Variants in ATP10B observed in about 807,000 individuals in gnomAD.
ATP10B encodes phospholipid-transporting ATPase VB.
In ATP10B, 122 loss-of-function variants were observed where a neutral mutation model predicts 141.2. The observed-to-expected ratio is 0.86, with a 90% CI of 0.75 to 1.00. The LOEUF (loss-of-function observed/expected upper bound fraction) is 1.00. Ranked by LOEUF, ATP10B falls within the 50% of genes least tolerant of loss-of-function variation. ATP10B has a pLI of 0.00. For synonymous variants in ATP10B, 685 were observed against 692.0 expected (o/e 0.99, Z 0.16); for missense variants, 1,876 against 1,825.3 (o/e 1.03, Z -0.51).
chr5:160,810,439 G>A (rs1354414163), intron 1 of ATP10B, among the ~76,000 whole-genome samples: 1 of 151,840 alleles, frequency 6.6e-6, no homozygotes, highest in Non-Finnish European at 1.5e-5. Flanking sequence ...TAAATTGGTT[G>A]GTATGATACC....
At chr5:160,751,226 C>T (rs879477039) in intron 2 of ATP10B, among the ~76,000 whole-genome samples, 2 of 152,172 alleles carry the variant, frequency 1.3e-5, no homozygotes, top group African/African-American at 2.4e-5. Flanking sequence ...TGGCACTGAC[C>T]ACATCAGCCA....
chr5:160,577,460 T>G (rs1755263822), intron 24 of ATP10B, among the ~76,000 whole-genome samples: 1 of 152,192 alleles, frequency 6.6e-6, no homozygotes, highest in African/African-American at 2.4e-5. Context: ...CTGGATCATG[T>G]GCCCACCCTG....
chr5:160,639,722 G>C (rs925320664), intron 10 of ATP10B, among the ~76,000 whole-genome samples: 5 of 152,046 alleles, frequency 3.3e-5, no homozygotes, highest in African/African-American at 9.7e-5. Flanking sequence ...TCAGTGGGGA[G>C]GGGGAGATGG....
At chr5:160,621,891 C>A (rs1451930292) in intron 14 of ATP10B, among the ~76,000 whole-genome samples, 3 of 152,172 alleles carry the variant, frequency 2.0e-5, no homozygotes, top group Non-Finnish European at 2.9e-5. Context: ...TATATAAAAA[C>A]AGAGAGCAAT....
intron 24 of ATP10B, among the ~76,000 whole-genome samples, chr5:160,577,506 C>A (rs78061549): frequency 0.012 from 1,877 of 152,250 alleles, 20 homozygotes; most frequent in South Asian, 0.021. Context: ...AATTACTGCT[C>A]CTACTTAAGA....
chr5:160,719,070 T>C (rs1357485611), intron 2 of ATP10B, among the ~76,000 whole-genome samples: 1 of 152,132 alleles, frequency 6.6e-6, no homozygotes, highest in East Asian at 1.9e-4. Context: ...AAAAACTGTA[T>C]TAGGTTGGTG....
intron 1 of ATP10B, among the ~76,000 whole-genome samples, chr5:160,827,583 T>C (rs1406390150): frequency 6.6e-6 from 1 of 152,214 alleles, no homozygotes; most frequent in Non-Finnish European, 1.5e-5. Context: ...TTTTATCCCA[T>C]TCTGTAGGTT....
the ATP10B span, among the ~76,000 whole-genome samples, chr5:160,880,016 A>G: frequency 6.6e-6 from 1 of 151,848 alleles, no homozygotes; most frequent in African/African-American, 2.4e-5. Context: ...TACTCCTAAA[A>G]ATGAAATTCT....
At chr5:160,634,780 T>C (rs1759233431) in intron 11 of ATP10B, among the ~76,000 whole-genome samples, 174 bp from the exon 12 acceptor site, 3 of 152,196 alleles carry the variant, frequency 2.0e-5, no homozygotes, top group Admixed American at 1.3e-4. Flanking sequence ...CTTAGGGGAA[T>C]CTGAAAAACA....
At chr5:160,802,746 A>C (rs570678107) in intron 1 of ATP10B, among the ~76,000 whole-genome samples, 1 of 152,172 alleles carries the variant, frequency 6.6e-6, no homozygotes, top group Non-Finnish European at 1.5e-5. Flanking sequence ...GAGACTGTAC[A>C]TTAGGGGGCA....
intron 7 of ATP10B, among the ~76,000 whole-genome samples, chr5:160,658,630 G>A (rs2127709332): frequency 1.3e-5 from 2 of 152,294 alleles, no homozygotes; most frequent in South Asian, 4.2e-4. Flanking sequence ...GCCAGGCCAG[G>A]CAGTACGTTT....
At chr5:160,876,127 A>G in the ATP10B span, among the ~76,000 whole-genome samples, 1 of 61,634 alleles carries the variant, frequency 1.6e-5, no homozygotes, top group African/African-American at 3.8e-5. Context: ...TTGACCACAT[A>G]CTTGGAAGTA....
chr5:160,790,903 G>A (rs142185633), intron 1 of ATP10B, among the ~76,000 whole-genome samples: 54 of 152,266 alleles, frequency 3.5e-4, no homozygotes, highest in African/African-American at 1.3e-3. Flanking sequence ...GAAAGAGGCA[G>A]GCAGAAGCGC....
chr5:160,687,808 T>C lies in ATP10B; in HGVS notation c.267A>G (p.Gln89=). 4.3e-6 allele frequency: 7 copies of C among 1,613,520 alleles called. No individual in the cohort carries two copies. Among genetic ancestry groups the C allele is most frequent in the Non-Finnish European group, 5.9e-6 (7 of 1,179,694 alleles). The part of the protein sequence containing the change: ...FTFLPRNLFE[Q]FHRWANLYFL... ...GACAAGTGGATCTCTACCTATGAAA[T>C]TGCTCAAAGAGATTCCGGGGCAGGA... Residue 89 remains glutamine, a synonymous_variant, in exon 5 of 26, where the codon CAA becomes CAG. Coordinates refer to ENST00000327245, the MANE Select transcript of ATP10B (RefSeq NM_025153.3).
In ATP10B at chr5:160,563,583, A is replaced by T. The variant is rs1374046047; in HGVS notation, c.*1870T>A. ...AGAGGCTTTTTTACCACTGGGTTTCATGTAATTTTGACTTAATACCTATGT... is the reference window on the plus strand; with the variant it reads ...AGAGGCTTTTTTACCACTGGGTTTCTTGTAATTTTGACTTAATACCTATGT... On this transcript the variant is annotated 3_prime_UTR_variant, in exon 26 of 26. Transcript: ENST00000327245. The T allele has an allele frequency of 6.6e-6, 1 of 152,100 alleles. No individual in the cohort carries two copies. Among genetic ancestry groups the T allele is most frequent in the African/African-American group, 2.4e-5 (1 of 41,426 alleles). The allele number at this position is 152,100 out of a possible 1,614,324, so 9.4% of individuals were successfully genotyped here. A position where few individuals can be genotyped will look rare whatever the true frequency, so the allele number is the denominator to read the frequency against.
intron 24 of ATP10B, among the ~76,000 whole-genome samples, chr5:160,575,083 CTT>C (rs1199539995): frequency 1.3e-5 from 2 of 152,070 alleles, no homozygotes; most frequent in Admixed American, 6.6e-5. Flanking sequence ...TTTGATCAAA[CTT>C]TAAATCCTTT....
At chr5:160,907,756 A>G in the ATP10B span, among the ~76,000 whole-genome samples, 1 of 152,198 alleles carries the variant, frequency 6.6e-6, no homozygotes, top group African/African-American at 2.4e-5. Flanking sequence ...TGACCTCTCC[A>G]ATGTCAGCAG....
intron 7 of ATP10B, among the ~76,000 whole-genome samples, chr5:160,669,608 CTTTTTTTTTTTT>C (rs5872655): frequency 4.2e-4 from 36 of 84,960 alleles, no homozygotes; most frequent in Admixed American, 2.7e-3. Context: ...CAGTCTCTCT[CTTTTTTTTTTTT>C]TTTTTTTTTT....
At chr5:160,692,215 A>G (rs904666031) in intron 3 of ATP10B, among the ~76,000 whole-genome samples, 2 of 152,240 alleles carry the variant, frequency 1.3e-5, no homozygotes, top group African/African-American at 2.4e-5. Flanking sequence ...AGTAAAGCAG[A>G]TATAACTTGG....
Sources: allele counts gnomAD v4.1 joint callset (sites outside exome capture counted in the v4.1 genomes callset), GRCh38; gene constraint gnomAD v4.1.1; transcripts MANE v1.5; gene names NCBI Gene and HGNC (gene_info 2026-07-23, HGNC 2026-07-21).